Variants in HIBCH observed in about 807,000 individuals in gnomAD.
The protein encoded by HIBCH is 3-hydroxyisobutyryl-CoA hydrolase, mitochondrial.
A neutral mutation model predicts 58.2 loss-of-function variants in HIBCH; 50 were observed. The ratio of observed to expected loss-of-function variants is 0.86; its 90% confidence interval spans 0.68 to 1.09. The LOEUF is 1.09. Ranked by LOEUF, HIBCH falls within the 50% of genes least tolerant of loss-of-function variation. HIBCH has a pLI of 0.00. For missense variants in HIBCH, 450 were observed against 449.7 expected (o/e 1.00, Z -0.01); for synonymous variants, 151 against 146.9 (o/e 1.03, Z -0.20).
At chr2:190,251,693 A>C in intron 8 of HIBCH, 1 of 201,284 alleles carries the variant, frequency 5.0e-6, no homozygotes, top group Non-Finnish European at 1.0e-5. Context: ...TTTAAAAAAA[A>C]AAAAGCAAAG....
In HIBCH at chr2:190,193,670, A is replaced by G. The variant is rs369840054; in HGVS notation, c.*18-3673T>C. ...ATTCCTGTTTGCCTTTTAAACGTAT[A>G]TAGATGTCATAATGCCCATTACACA... On this transcript the variant is annotated intron_variant, in intron 1 of 1. Coordinates refer to the HIBCH transcript ENST00000399855. Among the ~76,000 whole-genome samples the G allele has an allele frequency of 9.2e-5, 14 of 152,298 alleles. No individual in the cohort carries two copies. In the South Asian group the frequency reaches 2.5e-3, roughly 27 times the overall value.
chr2:190,314,485 T>C (rs370899406), intron 1 of HIBCH, among the ~76,000 whole-genome samples: 29 of 151,888 alleles, frequency 1.9e-4, no homozygotes, highest in Admixed American at 1.6e-3. Context: ...ATTTGGTTGG[T>C]TGGTTGGTTT....
chr2:190,278,802 T>C (rs554469879), intron 6 of HIBCH, among the ~76,000 whole-genome samples: 2 of 150,706 alleles, frequency 1.3e-5, no homozygotes, highest in South Asian at 4.2e-4. Context: ...TTAATGATTA[T>C]GGGAGATAAG....
rs554949519 is a variant in HIBCH at position 190,210,788 on chromosome 2, A to T, written c.1012-1875T>A. Among the ~76,000 whole-genome samples, 6 of 151,960 alleles carry T rather than the reference A, an allele frequency of 3.9e-5. No individual in the cohort carries two copies. The highest frequency in any genetic ancestry group is 1.4e-4 in the African/African-American group (6 of 41,418). ...TCACAGCTTTGTTCTTGCAGTTCCC[A>T]CTGCCTGGGATGCTCTTCCTCTAGA... On this transcript the variant is annotated intron_variant, in intron 12 of 13. Transcript: ENST00000359678. This position sits in a 1 kb window ranked among gnomAD's most constrained non-coding sequence, Gnocchi z 5.5.
rs1686792277 is a variant in HIBCH at position 190,252,164 on chromosome 2, T to G, written c.661A>C (p.Lys221Gln). 6.2e-7 allele frequency: 1 copy of G among 1,613,804 alleles called. No individual in the cohort carries two copies. The highest frequency in any genetic ancestry group is 8.5e-7 in the Non-Finnish European group (1 of 1,179,750). Residue 221 changes from lysine (K) to glutamine (Q), a missense_variant and splice_region_variant, in exon 8 of 14, where the codon AAG becomes CAG. Coordinates refer to ENST00000359678, the MANE Select transcript of HIBCH (RefSeq NM_014362.4). ...AATGCAAACATCTGAAAAAGTACCTTTTCAGAATCTACAAAGTGTGTAGCA... is the reference window on the plus strand; with the variant it reads ...AATGCAAACATCTGAAAAAGTACCTGTTCAGAATCTACAAAGTGTGTAGCA... ...GIATHFVDSE[K>Q]LAMLEEDLLA...
Position 190,296,826 on chromosome 2 carries a change from TA to T in HIBCH, c.205del (p.Tyr69IlefsTer4), listed in dbSNP as rs1688115404. Reference sequence around the variant, plus strand: ...AAAATTACAAACCTTTAGCTGTGGATAAATCTGCCGAATCATATTAAGAGTC... The same window carrying T: ...AAAATTACAAACCTTTAGCTGTGGATAATCTGCCGAATCATATTAAGAGTC... Reference protein sequence around the residue: ...ALTLNMIRQIYPQLKKWEQDP... With the variant: ...ALTLNMIRQIXPQLKKWEQDP... On this transcript the variant is annotated frameshift_variant, in exon 3 of 14. Transcript: ENST00000359678. LOFTEE classifies it high-confidence loss of function. The T allele has an allele frequency of 6.2e-7, 1 of 1,613,908 alleles. No individual in the cohort carries two copies. Among genetic ancestry groups the T allele is most frequent in the Non-Finnish European group, 8.5e-7 (1 of 1,179,868 alleles).
intron 6 of HIBCH, among the ~76,000 whole-genome samples, chr2:190,264,690 T>C (rs890881305): frequency 4.6e-5 from 7 of 152,220 alleles, no homozygotes; most frequent in African/African-American, 7.2e-5. Flanking sequence ...CTAATATAAA[T>C]GGCTATTTGG....
chr2:190,308,909 G>A (rs1262450032), intron 2 of HIBCH, among the ~76,000 whole-genome samples: 1 of 152,182 alleles, frequency 6.6e-6, no homozygotes, highest in Non-Finnish European at 1.5e-5. Context: ...CAGATAGCCA[G>A]GATTCAAATC....
At chr2:190,246,128 T>C (rs971386675) in intron 10 of HIBCH, 26 bp downstream of exon 10, 2 of 1,325,456 alleles carry the variant, frequency 1.5e-6, no homozygotes, top group African/African-American at 1.4e-5. Flanking sequence ...TAAAGGAATA[T>C]ATAACTGAGA....
intron 11 of HIBCH, chr2:190,213,309 A>G: frequency 4.1e-6 from 2 of 488,854 alleles, no homozygotes; most frequent in South Asian, 4.6e-5. Flanking sequence ...AAATAAATCC[A>G]TATTTGTAGT....
In HIBCH at chr2:190,306,015, T is replaced by C. The variant is rs892873534; in HGVS notation, c.78+4739A>G. 6.6e-5 allele frequency among the ~76,000 whole-genome samples: 10 copies of C among 152,312 alleles called. No individual in the cohort carries two copies. The highest frequency in any genetic ancestry group is 6.5e-4 in the Admixed American group (10 of 15,298). ...AGCAAAAATGGAATGCCATACCTTA[T>C]TCTGCACCTCCCACTGTTAATTCAG... On this transcript the variant is annotated intron_variant, in intron 2 of 13. Coordinates refer to ENST00000359678, the MANE Select transcript of HIBCH (RefSeq NM_014362.4). The surrounding 1 kb of genome is among the most constrained non-coding windows in gnomAD (Gnocchi z 4.6).
At chr2:190,200,422 C>CTAAG (rs950024736), downstream of HIBCH, 1 of 324,352 alleles carries the variant, frequency 3.1e-6, no homozygotes, top group Non-Finnish European at 6.0e-6. Flanking sequence ...GCACTTCTTC[C>CTAAG]TAAGTAATGG....
intron 6 of HIBCH, among the ~76,000 whole-genome samples, chr2:190,283,459 T>C (rs993798636): frequency 3.9e-5 from 6 of 152,214 alleles, no homozygotes; most frequent in African/African-American, 1.2e-4. Context: ...TCCAGGTGTA[T>C]GCTCACCATT....
intron 4 of HIBCH, among the ~76,000 whole-genome samples, chr2:190,293,714 TA>T (rs1363804910): frequency 2.0e-5 from 3 of 151,580 alleles, no homozygotes; most frequent in Non-Finnish European, 4.4e-5. Context: ...AACAAACATA[TA>T]AAATTAAAAC....
intron 11 of HIBCH, among the ~76,000 whole-genome samples, chr2:190,232,606 C>T (rs1025045039): frequency 6.6e-6 from 1 of 152,188 alleles, no homozygotes; most frequent in African/African-American, 2.4e-5. Context: ...TACAAGAGTA[C>T]AACTATACGT....
chr2:190,214,060 T>G lies in HIBCH; in HGVS notation c.892-985A>C, dbSNP rs898414299. 1 of 152,114 alleles carries G rather than the reference T, an allele frequency of 6.6e-6. No individual in the cohort carries two copies. 9.4% of individuals were successfully genotyped at this position (152,114 alleles called of 1,614,324 possible). A position where few individuals can be genotyped will look rare whatever the true frequency, so the allele number is the denominator to read the frequency against. On this transcript the variant is annotated intron_variant, in intron 11 of 13. Transcript: ENST00000359678. The surrounding 1 kb of genome is among the most constrained non-coding windows in gnomAD (Gnocchi z 5.5). ...CTCTGTGCCTGTATGGAGTTAAGACTCCAGCCGAGAAGGGAGACGCACCCC... is the reference window on the plus strand; with the variant it reads ...CTCTGTGCCTGTATGGAGTTAAGACGCCAGCCGAGAAGGGAGACGCACCCC...
intron 1 of HIBCH, among the ~76,000 whole-genome samples, chr2:190,311,689 A>T (rs1235438299): frequency 1.3e-5 from 2 of 152,234 alleles, no homozygotes; most frequent in Non-Finnish European, 2.9e-5. Context: ...AGGATGGAAA[A>T]ACTGAAAACA....
intron 11 of HIBCH, among the ~76,000 whole-genome samples, chr2:190,219,494 TAA>T (rs966621739): frequency 2.6e-5 from 4 of 152,256 alleles, no homozygotes; most frequent in Admixed American, 2.6e-4. Context: ...GAGTCTAAAA[TAA>T]AAGTTTATTA....
intron 6 of HIBCH, among the ~76,000 whole-genome samples, chr2:190,265,860 C>T (rs73981032): frequency 0.013 from 2,000 of 152,160 alleles, 52 homozygotes; most frequent in African/African-American, 0.044. Flanking sequence ...TGCTATTTTT[C>T]ATTTCCGTAT....
Sources: gnomAD v4.1 joint callset for allele counts (sites outside exome capture counted in the v4.1 genomes callset) on GRCh38, gnomAD v4.1.1 for gene constraint, Gnocchi (gnomAD v3.1) non-coding constraint, MANE v1.5 for transcripts, NCBI Gene and HGNC (gene_info 2026-07-23, HGNC 2026-07-21) for gene names.